FUT9: variants seen among roughly 807,000 people sequenced by gnomAD.
FUT9 encodes the protein 4-galactosyl-N-acetylglucosaminide 3-alpha-L-fucosyltransferase 9.
Under a neutral mutation model 29.7 loss-of-function variants are expected in FUT9, and 15 were observed. That is an observed-to-expected ratio of 0.51 (90% CI 0.34 to 0.78). The LOEUF (loss-of-function observed/expected upper bound fraction) is 0.78, where lower values mean the gene tolerates loss of function less well. FUT9 is among the 30% of genes least tolerant of loss of function. The pLI is 0.01. For missense variants in FUT9, 319 were observed against 425.4 expected, an observed-to-expected ratio of 0.75 and a Z score of 2.20; for synonymous variants, 169 against 153.7, an observed-to-expected ratio of 1.10 and a Z score of -0.74.
At chr6:96,089,498 T>G (rs1409830042) in intron 1 of FUT9, among the ~76,000 whole-genome samples, 2 of 152,222 alleles carry the variant, frequency 1.3e-5, no homozygotes, top group Non-Finnish European at 2.9e-5. Context: ...AAAATTGTTG[T>G]TTGATGTATT....
intron 1 of FUT9, among the ~76,000 whole-genome samples, chr6:96,017,467 T>C (rs749926540): frequency 6.6e-6 from 1 of 152,150 alleles, no homozygotes; most frequent in African/African-American, 2.4e-5. Flanking sequence ...GCAAGGGGGA[T>C]GGAGTGAACA....
rs1773928164 is a variant in FUT9 at position 96,211,085 on chromosome 6, T to G, written c.*6850T>G. ...GGCAGTTTGTAGGAATCATTGAAAT[T>G]TTATACAAGCCGAAGGAACAACATT... On this transcript the variant is annotated 3_prime_UTR_variant, in exon 3 of 3. Coordinates refer to ENST00000302103, the MANE Select transcript of FUT9 (RefSeq NM_006581.4). The G allele has an allele frequency of 1.2e-5, 2 of 166,862 alleles. No individual in the cohort carries two copies. Among genetic ancestry groups the G allele is most frequent in the African/African-American group, 4.8e-5 (2 of 41,414 alleles). 10.3% of individuals were successfully genotyped at this position (166,862 alleles called of 1,614,324 possible).
intron 2 of FUT9, among the ~76,000 whole-genome samples, chr6:96,192,516 AG>A (rs1354181569): frequency 9.2e-5 from 14 of 152,160 alleles, no homozygotes; most frequent in Admixed American, 6.5e-4. Context: ...GACCTCTTCA[AG>A]GACAACTACA....
intron 1 of FUT9, chr6:96,021,034 G>C (rs1235614302): frequency 2.0e-5 from 3 of 151,986 alleles, no homozygotes; most frequent in Non-Finnish European, 4.4e-5. Flanking sequence ...AAGCCAGTAA[G>C]AACAAATAGA....
At chr6:96,030,639 A>G (rs1487072194) in intron 1 of FUT9, among the ~76,000 whole-genome samples, 2 of 151,598 alleles carry the variant, frequency 1.3e-5, no homozygotes, top group Admixed American at 6.6e-5. Flanking sequence ...TTACTCAAGT[A>G]GAATGAACAT....
intron 2 of FUT9, among the ~76,000 whole-genome samples, chr6:96,189,089 G>A (rs892195597): frequency 1.3e-5 from 2 of 152,046 alleles, no homozygotes; most frequent in Non-Finnish European, 2.9e-5. Context: ...GTGTGTTGGG[G>A]GAAGGTTGGG....
intron 1 of FUT9, among the ~76,000 whole-genome samples, chr6:96,078,405 C>CTGATTTTTTTTTTTTTTTTTTTTTTT (rs1201729276): frequency 4.4e-5 from 2 of 45,182 alleles, no homozygotes. Flanking sequence ...TCATATTAGT[C>CTGATTTTTTTTTTTTTTTTTTTTTTT]TTCTTTTTTT....
chr6:96,100,230 A>AACACAC (rs36064811), intron 1 of FUT9, among the ~76,000 whole-genome samples: 3 of 148,790 alleles, frequency 2.0e-5, no homozygotes, highest in African/African-American at 7.5e-5. Context: ...CACACACACC[A>AACACAC]ACACACACAC....
chr6:96,120,344 C>T (rs1476040784), intron 2 of FUT9, among the ~76,000 whole-genome samples: 16 of 146,154 alleles, frequency 1.1e-4, no homozygotes, highest in Admixed American at 6.3e-4. Flanking sequence ...GATCTCGGCC[C>T]AATGCAAACT....
intron 1 of FUT9, among the ~76,000 whole-genome samples, chr6:96,095,888 T>C (rs1296435497): frequency 3.9e-5 from 6 of 152,116 alleles, no homozygotes; most frequent in Non-Finnish European, 5.9e-5. Context: ...TCGGTAAAAA[T>C]AGGGATTATA....
chr6:96,176,408 A>T (rs1425309233), intron 2 of FUT9, among the ~76,000 whole-genome samples: 1 of 151,776 alleles, frequency 6.6e-6, no homozygotes, highest in Non-Finnish European at 1.5e-5. Context: ...TCTATGGGAA[A>T]CCCTAATATG....
At chr6:96,093,991 A>G (rs1254504329) in intron 1 of FUT9, among the ~76,000 whole-genome samples, 2 of 152,144 alleles carry the variant, frequency 1.3e-5, no homozygotes, top group African/African-American at 2.4e-5. Context: ...GAAATTAATG[A>G]GGCTGGAATG....
At chr6:96,111,933 A>G (rs908125640) in intron 1 of FUT9, among the ~76,000 whole-genome samples, 2 of 152,190 alleles carry the variant, frequency 1.3e-5, no homozygotes, top group Admixed American at 6.6e-5. Flanking sequence ...TTTATATGCA[A>G]TATTGTGTTT....
chr6:96,110,746 C>G (rs1018774117), intron 1 of FUT9, among the ~76,000 whole-genome samples: 1 of 152,096 alleles, frequency 6.6e-6, no homozygotes, highest in South Asian at 2.1e-4. Flanking sequence ...ACCTCAAACT[C>G]CTGGGCTCAA....
At chr6:96,175,289 C>T (rs1220441948) in intron 2 of FUT9, among the ~76,000 whole-genome samples, 1 of 152,122 alleles carries the variant, frequency 6.6e-6, no homozygotes, top group East Asian at 1.9e-4. Context: ...CTTCTCCTTC[C>T]CAGTAGAACA....
intron 2 of FUT9, among the ~76,000 whole-genome samples, chr6:96,163,077 T>C (rs1772942933): frequency 6.6e-6 from 1 of 152,152 alleles, no homozygotes; most frequent in Non-Finnish European, 1.5e-5. Context: ...CATTTGGAAA[T>C]CCCAAGAAAA....
chr6:96,129,189 T>G (rs1235958895), intron 2 of FUT9, among the ~76,000 whole-genome samples: 1 of 142,618 alleles, frequency 7.0e-6, no homozygotes, highest in Non-Finnish European at 1.5e-5. Context: ...GGCATGAACC[T>G]GGGAGGCGGA....
chr6:96,189,872 T>G (rs1043868527), intron 2 of FUT9, among the ~76,000 whole-genome samples: 1 of 152,216 alleles, frequency 6.6e-6, no homozygotes, highest in Non-Finnish European at 1.5e-5. Context: ...TTTACCAGTC[T>G]GTGTCTTTTA....
intron 1 of FUT9, among the ~76,000 whole-genome samples, chr6:96,024,223 T>C (rs557671409): frequency 1.3e-5 from 2 of 151,954 alleles, no homozygotes; most frequent in East Asian, 3.9e-4. Context: ...CTGATTCCCT[T>C]ATTTTCCTGA....
Sources: gnomAD v4.1 joint callset for allele counts (sites outside exome capture counted in the v4.1 genomes callset) on GRCh38, gnomAD v4.1.1 for gene constraint, MANE v1.5 for transcripts, NCBI Gene and HGNC (gene_info 2026-07-23, HGNC 2026-07-21) for gene names.